NDST3: variants seen among roughly 807,000 people sequenced by gnomAD.
NDST3 encodes N-deacetylase and N-sulfotransferase 3.
In NDST3, 58 loss-of-function variants were observed where a neutral mutation model predicts 96.1. That is an observed-to-expected ratio of 0.60 (90% CI 0.49 to 0.75). NDST3 has a LOEUF of 0.75. NDST3 is among the 30% of genes least tolerant of loss of function. The probability of loss-of-function intolerance (pLI) is 0.00; values close to 1 mark genes in which losing one functional copy is unlikely to be tolerated. For missense variants in NDST3, 788 were observed against 1,034.2 expected, an observed-to-expected ratio of 0.76 and a Z score of 3.27; for synonymous variants, 333 against 359.7, an observed-to-expected ratio of 0.93 and a Z score of 0.84.
In NDST3 at chr4:118,142,862, T is replaced by C. The variant is rs534423508; in HGVS notation, c.1411-694T>C. Among the ~76,000 whole-genome samples, 10 of 152,288 alleles carry C rather than the reference T, an allele frequency of 6.6e-5. No homozygotes were observed. The South Asian group carries it at 2.1e-3, about 32-fold the overall frequency. ...ATAATTGAAGCAGATAATACATATA[T>C]ACAAAGGATGAAGAGAAGACCTCTT... is the stretch of plus-strand genomic sequence containing the variant. On this transcript the variant is annotated intron_variant, in intron 5 of 13. Transcript: ENST00000296499.
chr4:118,055,936 A>G (rs1273841925), intron 2 of NDST3, among the ~76,000 whole-genome samples: 1 of 151,780 alleles, frequency 6.6e-6, no homozygotes, highest in East Asian at 1.9e-4. Context: ...ACTGTAAGAG[A>G]GTGTGAAGAC....
intron 2 of NDST3, among the ~76,000 whole-genome samples, chr4:118,064,822 C>T (rs954949732): frequency 6.6e-6 from 1 of 152,192 alleles, no homozygotes; most frequent in African/African-American, 2.4e-5. Flanking sequence ...AAGATGTCCA[C>T]AGGGCTGTGT....
intron 12 of NDST3, among the ~76,000 whole-genome samples, chr4:118,247,394 A>C (rs1242291960): frequency 6.6e-6 from 1 of 152,100 alleles, no homozygotes; most frequent in African/African-American, 2.4e-5. Flanking sequence ...TCTACTAAAA[A>C]TACAAAAATT....
At chr4:118,250,827 T>C (rs563456249) in intron 12 of NDST3, among the ~76,000 whole-genome samples, 22 of 152,190 alleles carry the variant, frequency 1.4e-4, no homozygotes, top group African/African-American at 5.3e-4. Flanking sequence ...TTTTATCTTT[T>C]ATAGTGAGTT....
intron 6 of NDST3, among the ~76,000 whole-genome samples, chr4:118,160,112 A>G (rs1011514849): frequency 3.3e-5 from 5 of 152,168 alleles, no homozygotes; most frequent in African/African-American, 1.2e-4. Context: ...CACACCAGAA[A>G]AGGTTATAAT....
At chr4:118,106,211 CTG>C (rs1339957982) in intron 3 of NDST3, among the ~76,000 whole-genome samples, 2 of 152,164 alleles carry the variant, frequency 1.3e-5, no homozygotes, top group African/African-American at 4.8e-5. Context: ...TGCTGTCTGG[CTG>C]TCTCTTAATT....
chr4:118,227,458 C>G (rs902847107), intron 8 of NDST3, among the ~76,000 whole-genome samples: 1 of 151,854 alleles, frequency 6.6e-6, no homozygotes, highest in Non-Finnish European at 1.5e-5. Context: ...TTTTAAAAGT[C>G]TAAAAGATAT....
chr4:118,221,835 A>G (rs562374606), intron 6 of NDST3, among the ~76,000 whole-genome samples: 1 of 152,160 alleles, frequency 6.6e-6, no homozygotes, highest in Admixed American at 6.6e-5. Flanking sequence ...GTGAGTTTTA[A>G]GCAGCTAAAC....
intron 11 of NDST3, 140 bp downstream of exon 11, chr4:118,240,834 G>C (rs1309722113): frequency 4.2e-6 from 3 of 709,230 alleles, no homozygotes. Context: ...ATGGCAAAGA[G>C]AAATAGGCAG....
In NDST3 at chr4:118,049,962, A is replaced by G. The variant is rs1460795241; in HGVS notation, c.-155-3794A>G. ...AAAACTTAGGCCAATATCTCCGATG[A>G]ACATAGATGCAGAAATTCTCAACCA... On this transcript the variant is annotated intron_variant, in intron 1 of 13. Coordinates refer to ENST00000296499, the MANE Select transcript of NDST3 (RefSeq NM_004784.3). Among the ~76,000 whole-genome samples the G allele has an allele frequency of 3.9e-5, 6 of 152,292 alleles. No homozygotes were observed. The South Asian group carries it at 1.0e-3, about 26-fold the overall frequency.
chr4:118,252,863 C>A (rs910671128), intron 12 of NDST3, among the ~76,000 whole-genome samples: 3 of 151,924 alleles, frequency 2.0e-5, no homozygotes, highest in African/African-American at 7.3e-5. Flanking sequence ...TGCACTCCAG[C>A]CTGGGCAACA....
chr4:118,053,432 G>GT (rs1432226039), intron 1 of NDST3, among the ~76,000 whole-genome samples: 1 of 151,988 alleles, frequency 6.6e-6, no homozygotes, highest in Non-Finnish European at 1.5e-5. Context: ...AGAAATGGCA[G>GT]TGTATGACTT....
chr4:118,054,974 G>C (rs779122741), intron 2 of NDST3, 83 bp downstream of exon 2: 1 of 1,556,620 alleles, frequency 6.4e-7, no homozygotes, highest in Admixed American at 1.7e-5. Flanking sequence ...CTACAACTGG[G>C]TTACCCAGGA....
At chr4:118,212,382 A>G (rs574755836) in intron 6 of NDST3, among the ~76,000 whole-genome samples, 1 of 152,206 alleles carries the variant, frequency 6.6e-6, no homozygotes, top group Non-Finnish European at 1.5e-5. Context: ...CTACAAAAAA[A>G]TACAATAATT....
intron 6 of NDST3, among the ~76,000 whole-genome samples, chr4:118,163,605 G>A (rs1045373968): frequency 3.3e-5 from 5 of 152,014 alleles, no homozygotes; most frequent in African/African-American, 7.3e-5. Flanking sequence ...CTGTTGTGGG[G>A]TCGGGGGAGA....
At chr4:118,116,321 G>C (rs1731096751) in intron 4 of NDST3, among the ~76,000 whole-genome samples, 1 of 152,140 alleles carries the variant, frequency 6.6e-6, no homozygotes, top group African/African-American at 2.4e-5. Flanking sequence ...ATACACTAAA[G>C]TAAAGCACCA....
chr4:118,235,788 G>GTATA (rs1225609223), intron 9 of NDST3, among the ~76,000 whole-genome samples: 2 of 152,128 alleles, frequency 1.3e-5, no homozygotes, highest in Non-Finnish European at 2.9e-5. Context: ...AGAAATTTTT[G>GTATA]TATATCTCTT....
intron 2 of NDST3, among the ~76,000 whole-genome samples, chr4:118,062,486 G>A (rs931799452): frequency 6.6e-6 from 1 of 151,804 alleles, no homozygotes; most frequent in African/African-American, 2.4e-5. Context: ...TTGTTTGGTG[G>A]AATACTTACT....
At chr4:118,186,515 A>T (rs997021904) in intron 6 of NDST3, among the ~76,000 whole-genome samples, 2 of 152,126 alleles carry the variant, frequency 1.3e-5, no homozygotes, top group African/African-American at 4.8e-5. Flanking sequence ...CACAGAAAAA[A>T]ATGTAGGCTG....
Sources: gnomAD v4.1 joint callset for allele counts (sites outside exome capture counted in the v4.1 genomes callset) on GRCh38, gnomAD v4.1.1 for gene constraint, MANE v1.5 for transcripts, NCBI Gene and HGNC (gene_info 2026-07-23, HGNC 2026-07-21) for gene names.